Variants in ANAPC4 observed in about 807,000 individuals in gnomAD.
ANAPC4 encodes the protein anaphase promoting complex subunit 4, also known as anaphase-promoting complex subunit 4.
A neutral mutation model predicts 119.8 loss-of-function variants in ANAPC4; 63 were observed. That is an observed-to-expected ratio of 0.53 (90% CI 0.43 to 0.65). The LOEUF is 0.65. Among genes scored for constraint, ANAPC4 ranks in the 30% least tolerant of loss-of-function variants. ANAPC4 has a pLI of 0.00. For missense variants in ANAPC4, 716 were observed against 945.1 expected, an observed-to-expected ratio of 0.76 and a Z score of 3.18; for synonymous variants, 283 against 318.6, an observed-to-expected ratio of 0.89 and a Z score of 1.19.
In ANAPC4 at chr4:25,393,662, G is replaced by A. The variant is rs532946241; in HGVS notation, c.790-143G>A. Reference sequence around the variant, plus strand: ...GGACGACAGAGCAAGACTCTGTCTCGATAAATAAATAATAAAAATAAAACA... The same window carrying A: ...GGACGACAGAGCAAGACTCTGTCTCAATAAATAAATAATAAAAATAAAACA... On this transcript the variant is annotated intron_variant, in intron 10 of 28. Transcript: ENST00000315368. 2.5e-4 allele frequency: 128 copies of A among 508,024 alleles called. 1 individual carries two copies. Among genetic ancestry groups the A allele is most frequent in the South Asian group, 1.5e-3 (53 of 36,236 alleles). The allele number at this position is 508,024 out of a possible 1,614,324, so 31.5% of individuals were successfully genotyped here.
rs750043555 is a variant in ANAPC4, at chr4:25,377,403, G to T, written c.-10-15G>T. On this transcript the variant is annotated splice_polypyrimidine_tract_variant and intron_variant, in intron 1 of 28. Coordinates refer to ENST00000315368, the MANE Select transcript of ANAPC4 (RefSeq NM_013367.3). ...CGGGGGCTCCTGCCGGCCTCTGACT[G>T]GGGTGTCGTTGCAGGGCCGTCCCCA... 1.2e-6 allele frequency: 2 copies of T among 1,612,472 alleles called. No homozygotes were observed. The highest frequency in any genetic ancestry group is 1.7e-6 in the Non-Finnish European group (2 of 1,179,086).
chr4:25,415,662 T>C, intron 26 of ANAPC4, 122 bp downstream of exon 26: 1 of 709,958 alleles, frequency 1.4e-6, no homozygotes, highest in East Asian at 2.8e-5. Context: ...ACTTCCCACA[T>C]CAAGGGCAGG....
chr4:25,386,463 G>C (rs1722043090), intron 4 of ANAPC4, among the ~76,000 whole-genome samples: 1 of 152,062 alleles, frequency 6.6e-6, no homozygotes, highest in Non-Finnish European at 1.5e-5. Context: ...GCCCTCCTCG[G>C]CCTCCCAAAG....
At chr4:25,417,572 A>G in intron 27 of ANAPC4, 44 bp from the exon 28 acceptor site, 6 of 1,533,226 alleles carry the variant, frequency 3.9e-6, no homozygotes, top group African/African-American at 1.4e-5. Flanking sequence ...TAGGGAGGAT[A>G]AGATCCCCTT....
At chr4:25,389,642 T>G (rs1210690832) in intron 7 of ANAPC4, among the ~76,000 whole-genome samples, 2 of 152,188 alleles carry the variant, frequency 1.3e-5, no homozygotes, top group African/African-American at 4.8e-5. Flanking sequence ...TTAATATCTA[T>G]TATTGTTTTT....
At chr4:25,397,743 GTT>G (rs34051733) in intron 16 of ANAPC4, among the ~76,000 whole-genome samples, 13 of 139,474 alleles carry the variant, frequency 9.3e-5, no homozygotes, top group Non-Finnish European at 1.5e-4. Flanking sequence ...GCCCTTTATA[GTT>G]TTTTTTTTTT....
At chr4:25,381,927 A>G (rs556846278) in intron 3 of ANAPC4, among the ~76,000 whole-genome samples, 6 of 143,726 alleles carry the variant, frequency 4.2e-5, no homozygotes, top group Non-Finnish European at 6.1e-5. Context: ...AGTGTGGGCT[A>G]CAAGAGTGAG....
chr4:25,414,198 G>A (rs1723733548), intron 22 of ANAPC4, 126 bp from the exon 23 acceptor site: 6 of 613,744 alleles, frequency 9.8e-6, no homozygotes, highest in African/African-American at 1.9e-5. Context: ...CGTTTCTTAT[G>A]TACAAGGTTT....
At chr4:25,395,237 A>G in intron 14 of ANAPC4, 1 of 175,218 alleles carries the variant, frequency 5.7e-6, no homozygotes, top group Non-Finnish European at 1.2e-5. Context: ...TACCAAGAAT[A>G]TTGTATATTT....
intron 19 of ANAPC4, 48 bp downstream of exon 19, chr4:25,406,933 A>G: frequency 7.3e-7 from 1 of 1,365,528 alleles, no homozygotes; most frequent in Non-Finnish European, 1.0e-6. Flanking sequence ...AAATTACAGT[A>G]AACCTGGATA....
At chr4:25,394,608 G>GTT (rs1169254270) in intron 12 of ANAPC4, 63 bp from the exon 13 acceptor site, 1 of 1,488,852 alleles carries the variant, frequency 6.7e-7, no homozygotes, top group African/African-American at 1.4e-5. Context: ...TTTAAAAGTT[G>GTT]TAAGTGATGC....
chr4:25,414,679 G>A lies in ANAPC4; in HGVS notation c.1805G>A (p.Arg602Lys). 1 of 1,534,218 alleles carries A rather than the reference G, an allele frequency of 6.5e-7. No individual in the cohort carries two copies. Among genetic ancestry groups the A allele is most frequent in the Non-Finnish European group, 8.8e-7 (1 of 1,130,954 alleles). ...EDSLYKMCIL[R>K]RHTDISQSVS... The stretch of plus-strand genomic sequence containing the variant: ...TCACTTTATAAAATGTGCATCTTAA[G>A]GAGACATACTGATATTTCTCAGTAA... Residue 602 changes from arginine (R) to lysine (K), a missense_variant, in exon 25 of 29, where the codon AGG becomes AAG. Arg to Lys is a conservative substitution (Grantham distance 26, BLOSUM62 2). Transcript: ENST00000315368.
intron 3 of ANAPC4, 132 bp from the exon 4 acceptor site, chr4:25,383,129 A>C (rs141365775): frequency 1.3e-6 from 1 of 764,830 alleles, no homozygotes; most frequent in South Asian, 3.1e-5. Context: ...TAAAATATTG[A>C]AGGATGTTTA....
chr4:25,384,593 C>T (rs575926431), intron 4 of ANAPC4, among the ~76,000 whole-genome samples: 1 of 152,042 alleles, frequency 6.6e-6, no homozygotes. Flanking sequence ...TTTGGGAGGC[C>T]AAGGTAGGCA....
At position 25,409,598 on chromosome 4, in the gene ANAPC4, AT is replaced by A. The variant is rs1237831592; in HGVS notation, c.1432-97del. ...ACCGATTTTAGGCCCTAAGTCTTTG[AT>A]TTACTAAACTTAACTTTTTTTTGTC... On this transcript the variant is annotated intron_variant, in intron 20 of 28. Transcript: ENST00000315368. 8.5e-6 allele frequency: 7 copies of A among 825,410 alleles called. No individual in the cohort carries two copies. In the African/African-American group the frequency reaches 1.2e-4, roughly 14 times the overall value. 51.1% of individuals were successfully genotyped at this position (825,410 alleles called of 1,614,324 possible).
At chr4:25,387,883 T>C (rs1722127146) in intron 4 of ANAPC4, among the ~76,000 whole-genome samples, 1 of 152,114 alleles carries the variant, frequency 6.6e-6, no homozygotes, top group African/African-American at 2.4e-5. Flanking sequence ...ATGCCTATAA[T>C]CCTAGCACTT....
chr4:25,390,660 G>C (rs1277773678), intron 8 of ANAPC4, among the ~76,000 whole-genome samples: 2 of 152,222 alleles, frequency 1.3e-5, no homozygotes, highest in African/African-American at 4.8e-5. Context: ...TGTAGGCTCT[G>C]TGGAATATGT....
At chr4:25,407,151 C>T in intron 19 of ANAPC4, 46 bp from the exon 20 acceptor site, 2 of 1,497,446 alleles carry the variant, frequency 1.3e-6, no homozygotes, top group Non-Finnish European at 1.8e-6. Flanking sequence ...AGATATTTTT[C>T]TTCGTGAGTT....
At chr4:25,415,214 GA>G (rs1723794513) in intron 25 of ANAPC4, 1 of 358,144 alleles carries the variant, frequency 2.8e-6, no homozygotes, top group Non-Finnish European at 5.0e-6. Flanking sequence ...TTTTAAACCT[GA>G]ATTTGAAGAA....
Sources: gnomAD v4.1 joint callset for allele counts (sites outside exome capture counted in the v4.1 genomes callset) on GRCh38, gnomAD v4.1.1 for gene constraint, MANE v1.5 for transcripts, NCBI Gene and HGNC (gene_info 2026-07-23, HGNC 2026-07-21) for gene names.